MCM10: variants seen among roughly 807,000 people sequenced by gnomAD.
The protein encoded by MCM10 is minichromosome maintenance 10 replication initiation factor, also known as protein MCM10 homolog.
Under a neutral mutation model 109.9 loss-of-function variants are expected in MCM10, and 91 were observed. That is an observed-to-expected ratio of 0.83 (90% CI 0.70 to 0.99). MCM10 has a LOEUF of 0.99. Among genes scored for constraint, MCM10 ranks in the 50% least tolerant of loss-of-function variants. The probability of loss-of-function intolerance (pLI) is 0.00; values close to 1 mark genes in which losing one functional copy is unlikely to be tolerated. For synonymous variants in MCM10, 380 were observed against 387.2 expected, an observed-to-expected ratio of 0.98 and a Z score of 0.22; for missense variants, 1,077 against 1,061.2, an observed-to-expected ratio of 1.01 and a Z score of -0.21.
chr10:13,171,486 A>T (rs1834072767), intron 3 of MCM10, among the ~76,000 whole-genome samples: 3 of 152,212 alleles, frequency 2.0e-5, no homozygotes, highest in Admixed American at 2.0e-4. Flanking sequence ...GCTGCACTTG[A>T]TCCTGTACGG....
chr10:13,194,856 T>C (rs1427959471), intron 13 of MCM10, among the ~76,000 whole-genome samples, 185 bp from the exon 14 acceptor site: 1 of 151,984 alleles, frequency 6.6e-6, no homozygotes, highest in African/African-American at 2.4e-5. Context: ...TAAGGAGGAG[T>C]TAGTAAAGCT....
intron 6 of MCM10, 77 bp downstream of exon 6, chr10:13,175,758 T>A (rs1344752972): frequency 2.0e-6 from 2 of 1,002,250 alleles, no homozygotes. Flanking sequence ...AGAAGTAGTG[T>A]GTTTATACAT....
chr10:13,204,323 C>T lies in MCM10; in HGVS notation c.2457C>T (p.Asn819=), dbSNP rs145036262. The T allele has an allele frequency of 1.6e-4, 251 of 1,614,102 alleles. No individual in the cohort carries two copies. Among genetic ancestry groups the T allele is most frequent in the Non-Finnish European group, 2.0e-4 (231 of 1,180,046 alleles). ...GGTTTTTCAAATGTCCCTGTGGAAA[C>T]AGAAGCATCTCCTTGGACAGACTCC... The part of the protein sequence containing the change: ...VKRFFKCPCG[N]RSISLDRLPN... Residue 819 remains asparagine (N), a synonymous_variant, in exon 18 of 20, where the codon AAC becomes AAT. Coordinates refer to ENST00000378714, the MANE Select transcript of MCM10 (RefSeq NM_018518.5).
chr10:13,166,672 AT>A, intron 2 of MCM10, among the ~76,000 whole-genome samples: 1 of 138,980 alleles, frequency 7.2e-6, no homozygotes, highest in Non-Finnish European at 1.5e-5. Context: ...ATATATATAT[AT>A]ATATATATAT....
chr10:13,194,617 C>G (rs1834391618), intron 13 of MCM10, among the ~76,000 whole-genome samples: 2 of 152,110 alleles, frequency 1.3e-5, no homozygotes, highest in Non-Finnish European at 2.9e-5. Flanking sequence ...TTAATGACTT[C>G]CAAATGTCTC....
At chr10:13,201,689 G>A (rs896544306) in intron 17 of MCM10, 155 bp downstream of exon 17, 21 of 611,858 alleles carry the variant, frequency 3.4e-5, no homozygotes, top group Admixed American at 1.9e-4. Flanking sequence ...CCCAGGACCC[G>A]GCTTCCTGCC....
intron 14 of MCM10, among the ~76,000 whole-genome samples, chr10:13,196,523 T>C (rs1312055436): frequency 1.3e-5 from 2 of 152,156 alleles, no homozygotes; most frequent in Non-Finnish European, 2.9e-5. Flanking sequence ...TTTATATATA[T>C]ATTTTTTGAG....
At chr10:13,174,655 G>A (rs1834117195) in intron 5 of MCM10, among the ~76,000 whole-genome samples, 1 of 152,154 alleles carries the variant, frequency 6.6e-6, no homozygotes, top group Non-Finnish European at 1.5e-5. Flanking sequence ...TAAAAGCACA[G>A]GGTCACATTT....
chr10:13,204,385 T>A, intron 18 of MCM10, 21 bp downstream of exon 18: 1 of 1,611,962 alleles, frequency 6.2e-7, no homozygotes, highest in East Asian at 2.2e-5. Flanking sequence ...CACCTGGAGC[T>A]CTTTGTCCCA....
Position 13,192,466 on chromosome 10 carries a change from C to T in MCM10, c.1643C>T (p.Pro548Leu). 6.2e-7 allele frequency: 1 copy of T among 1,614,122 alleles called. No individual in the cohort carries two copies. Among genetic ancestry groups the T allele is most frequent in the East Asian group, 2.2e-5 (1 of 44,872 alleles). Reference protein sequence around the residue: ...KATASGIMGSPKPAIKSISAS... With the variant: ...KATASGIMGSLKPAIKSISAS... Reference sequence around the variant, plus strand: ...TCTGTTTCAGGGATTATGGGGAGCCCAAAACCAGCCATCAAGTCCATCTCG... The same window carrying T: ...TCTGTTTCAGGGATTATGGGGAGCCTAAAACCAGCCATCAAGTCCATCTCG... Residue 548 changes from proline (P) to leucine (L), a missense_variant, in exon 13 of 20, where the codon CCA (proline) becomes CTA (leucine). Coordinates refer to ENST00000378714, the MANE Select transcript of MCM10 (RefSeq NM_018518.5).
chr10:13,180,710 A>C, intron 7 of MCM10, 103 bp downstream of exon 7: 1 of 1,345,170 alleles, frequency 7.4e-7, no homozygotes, highest in Non-Finnish European at 1.1e-6. Context: ...TTCATTTAGA[A>C]ATAAGTATAG....
At chr10:13,183,124 G>A in intron 8 of MCM10, 24 bp downstream of exon 8, 2 of 1,602,930 alleles carry the variant, frequency 1.2e-6, no homozygotes, top group Non-Finnish European at 1.7e-6. Context: ...TCTGGGATTT[G>A]ATTGATGATT....
chr10:13,170,857 G>A, intron 2 of MCM10, 65 bp from the exon 3 acceptor site: 2 of 1,437,416 alleles, frequency 1.4e-6, no homozygotes, highest in Non-Finnish European at 1.9e-6. Context: ...CATTTAAATT[G>A]CCTAAAGTTG....
chr10:13,172,977 G>A lies in MCM10; in HGVS notation c.592+212G>A, dbSNP rs995159219. Among the ~76,000 whole-genome samples the A allele has an allele frequency of 6.6e-6, 1 of 152,286 alleles. No homozygotes were observed. The highest frequency in any genetic ancestry group is 1.9e-4 in the East Asian group (1 of 5,186). Reference sequence around the variant, plus strand: ...GAAAATCCTTAGGGCCAAGGCACGCGGCAGGAAGATTGCTTGATCCTAGGA... The same window carrying A: ...GAAAATCCTTAGGGCCAAGGCACGCAGCAGGAAGATTGCTTGATCCTAGGA... On this transcript the variant is annotated intron_variant, in intron 5 of 19. Transcript: ENST00000378714. The surrounding 1 kb of genome is among the most constrained non-coding windows in gnomAD (Gnocchi z 5.2).
intron 13 of MCM10, among the ~76,000 whole-genome samples, chr10:13,194,468 C>A (rs1011477858): frequency 5.3e-5 from 8 of 152,180 alleles, no homozygotes; most frequent in Admixed American, 5.2e-4. Flanking sequence ...ATCACTTGAA[C>A]CTGGGAGGCA....
intron 17 of MCM10, chr10:13,201,737 C>T (rs1006384269): frequency 6.5e-5 from 36 of 551,560 alleles, no homozygotes; most frequent in African/African-American, 5.9e-4. Flanking sequence ...GAGTGTTTGT[C>T]GAGGGGATTC....
chr10:13,189,468 G>A (rs111245203), intron 10 of MCM10, among the ~76,000 whole-genome samples: 3 of 152,018 alleles, frequency 2.0e-5, no homozygotes, highest in South Asian at 2.1e-4. Context: ...GACTACAGGC[G>A]CGTGCCACCA....
At chr10:13,181,382 T>C (rs1321410918) in intron 7 of MCM10, among the ~76,000 whole-genome samples, 1 of 152,106 alleles carries the variant, frequency 6.6e-6, no homozygotes, top group East Asian at 1.9e-4. Flanking sequence ...ATTTTAAGAG[T>C]ACCTGGTCCT....
intron 11 of MCM10, among the ~76,000 whole-genome samples, chr10:13,191,731 A>C (rs1282285070): frequency 6.6e-6 from 1 of 152,160 alleles, no homozygotes; most frequent in Non-Finnish European, 1.5e-5. Flanking sequence ...AAAACAGCAT[A>C]TTGATTTTAG....
Sources: allele counts gnomAD v4.1 joint callset (sites outside exome capture counted in the v4.1 genomes callset), GRCh38; gene constraint gnomAD v4.1.1; non-coding constraint Gnocchi (gnomAD v3.1); transcripts MANE v1.5; gene names NCBI Gene and HGNC (gene_info 2026-07-23, HGNC 2026-07-21).